DLG2: variants seen among roughly 807,000 people sequenced by gnomAD.
DLG2 encodes the protein discs large MAGUK scaffold protein 2.
DLG2 carries 45 observed loss-of-function variants against 132.5 expected under a neutral mutation model. The ratio of observed to expected loss-of-function variants is 0.34; its 90% CI spans 0.27 to 0.44. The LOEUF (loss-of-function observed/expected upper bound fraction) is 0.44, where lower values mean the gene tolerates loss of function less well. Among genes scored for constraint, DLG2 ranks in the 20% least tolerant of loss-of-function variants. The probability of loss-of-function intolerance (pLI) is 1.00; values close to 1 mark genes in which losing one functional copy is unlikely to be tolerated. For synonymous variants in DLG2, 424 were observed against 419.6 expected (o/e 1.01, Z -0.13); for missense variants, 1,045 against 1,196.9 (o/e 0.87, Z 1.87).
chr11:83,803,008 A>G (rs1295680143), intron 17 of DLG2, among the ~76,000 whole-genome samples: 4 of 152,130 alleles, frequency 2.6e-5, no homozygotes, highest in Non-Finnish European at 4.4e-5. Context: ...AAGTCATACA[A>G]AAAAGTTTTA....
At chr11:83,670,666 T>C (rs2076684454) in intron 18 of DLG2, among the ~76,000 whole-genome samples, 1 of 151,754 alleles carries the variant, frequency 6.6e-6, no homozygotes, top group South Asian at 2.1e-4. Context: ...GCTAAACAGG[T>C]TCTCTTGGGA....
At chr11:84,947,924 T>C (rs928757295) in intron 6 of DLG2, among the ~76,000 whole-genome samples, 1 of 152,210 alleles carries the variant, frequency 6.6e-6, no homozygotes, top group Non-Finnish European at 1.5e-5. Context: ...AAACTGTTAT[T>C]AAATAACTTG....
intron 9 of DLG2, among the ~76,000 whole-genome samples, chr11:84,143,844 T>G (rs2094958205): frequency 6.6e-6 from 1 of 152,160 alleles, no homozygotes; most frequent in Non-Finnish European, 1.5e-5. Flanking sequence ...CCTGTAAAGA[T>G]TTCCCTGCTT....
intron 18 of DLG2, among the ~76,000 whole-genome samples, chr11:83,699,680 A>G (rs2082540210): frequency 6.6e-6 from 1 of 151,524 alleles, no homozygotes; most frequent in East Asian, 1.9e-4. Context: ...ACTGCACTCC[A>G]GCTTGGGTGA....
intron 15 of DLG2, among the ~76,000 whole-genome samples, chr11:83,886,958 G>T (rs549184153): frequency 1.3e-5 from 2 of 151,912 alleles, no homozygotes; most frequent in Admixed American, 6.5e-5. Flanking sequence ...AGTGTGTAGA[G>T]GGAAATTTAT....
At chr11:84,846,611 T>A (rs141483007) in intron 6 of DLG2, among the ~76,000 whole-genome samples, 5 of 152,284 alleles carry the variant, frequency 3.3e-5, no homozygotes, top group African/African-American at 1.2e-4. Flanking sequence ...ACTGAAGTTA[T>A]AACGTGTGGT....
intron 9 of DLG2, among the ~76,000 whole-genome samples, chr11:84,102,201 T>C (rs2092584904): frequency 6.6e-6 from 1 of 152,170 alleles, no homozygotes; most frequent in South Asian, 2.1e-4. Flanking sequence ...TTTTTATGCT[T>C]ACTTACATTA....
intron 6 of DLG2, among the ~76,000 whole-genome samples, chr11:84,879,006 C>T (rs2086860992): frequency 6.6e-6 from 1 of 152,144 alleles, no homozygotes; most frequent in African/African-American, 2.4e-5. Flanking sequence ...ATTGCTAGAT[C>T]TTCTCTGCTA....
chr11:85,195,667 G>A (rs1029219618), intron 4 of DLG2, among the ~76,000 whole-genome samples: 63 of 152,080 alleles, frequency 4.1e-4, no homozygotes, highest in African/African-American at 1.5e-3. Context: ...GGGACTACAG[G>A]CGCCCACCAT....
At chr11:83,734,392 C>A in intron 18 of DLG2, among the ~76,000 whole-genome samples, 1 of 145,078 alleles carries the variant, frequency 6.9e-6, no homozygotes, top group Non-Finnish European at 1.5e-5. Flanking sequence ...TCCTTCCTTC[C>A]TTCCTTCCTT....
intron 3 of DLG2, among the ~76,000 whole-genome samples, chr11:85,318,118 G>A (rs1462840278): frequency 6.6e-6 from 1 of 151,802 alleles, no homozygotes; most frequent in Non-Finnish European, 1.5e-5. Context: ...AGTAGAAGCA[G>A]TATTTAATCT....
chr11:85,263,132 T>G (rs962356789), intron 4 of DLG2, among the ~76,000 whole-genome samples: 3 of 152,152 alleles, frequency 2.0e-5, no homozygotes, highest in African/African-American at 7.2e-5. Context: ...TCCCATCTAT[T>G]GGAAAGGAAA....
At chr11:85,270,714 G>A (rs1386772892) in intron 4 of DLG2, among the ~76,000 whole-genome samples, 1 of 152,212 alleles carries the variant, frequency 6.6e-6, no homozygotes, top group Non-Finnish European at 1.5e-5. Flanking sequence ...TTGGGAACTG[G>A]AGTGAAGGTG....
chr11:84,575,148 C>A (rs1425938839), intron 6 of DLG2, among the ~76,000 whole-genome samples: 3 of 152,150 alleles, frequency 2.0e-5, no homozygotes, highest in African/African-American at 7.2e-5. Flanking sequence ...GATCTTATCA[C>A]CGGCTTTGTA....
chr11:84,431,729 AAC>A (rs2098985280), intron 7 of DLG2, among the ~76,000 whole-genome samples: 1 of 152,116 alleles, frequency 6.6e-6, no homozygotes, highest in Non-Finnish European at 1.5e-5. Context: ...TAATATTTTA[AAC>A]ACTTTATTTA....
chr11:83,666,343 G>A (rs1267522457), intron 18 of DLG2, among the ~76,000 whole-genome samples: 1 of 152,150 alleles, frequency 6.6e-6, no homozygotes, highest in Non-Finnish European at 1.5e-5. Flanking sequence ...GGGCCGCACA[G>A]CAGGAGGTGA....
At chr11:84,094,880 A>C (rs953990368) in intron 10 of DLG2, among the ~76,000 whole-genome samples, 6 of 152,208 alleles carry the variant, frequency 3.9e-5, no homozygotes, top group Non-Finnish European at 7.3e-5. Flanking sequence ...AACTCAAAGG[A>C]AACACCAAGG....
At chr11:85,033,739 A>G (rs907428996) in intron 6 of DLG2, among the ~76,000 whole-genome samples, 11 of 152,236 alleles carry the variant, frequency 7.2e-5, no homozygotes, top group Non-Finnish European at 1.5e-4. Context: ...GGGGAAAACT[A>G]TTTGAAATAT....
chr11:85,523,270 T>C (rs758207556), intron 3 of DLG2, among the ~76,000 whole-genome samples: 24 of 152,124 alleles, frequency 1.6e-4, no homozygotes, highest in Non-Finnish European at 3.5e-4. Context: ...TTGTTTCCCC[T>C]CCCACCATGA....
Sources: allele counts gnomAD v4.1 joint callset (sites outside exome capture counted in the v4.1 genomes callset), GRCh38; gene constraint gnomAD v4.1.1; transcripts MANE v1.5; gene names NCBI Gene and HGNC (gene_info 2026-07-23, HGNC 2026-07-21).